LRRC49: variants seen among roughly 807,000 people sequenced by gnomAD.
LRRC49 encodes the protein leucine-rich repeat-containing protein 49.
LRRC49 carries 50 observed loss-of-function variants against 83.3 expected under a neutral mutation model. The observed-to-expected ratio is 0.60, with a 90% CI of 0.48 to 0.76. LRRC49 has a LOEUF of 0.76. Ranked by LOEUF, LRRC49 falls within the 30% of genes least tolerant of loss-of-function variation. The probability of loss-of-function intolerance (pLI) is 0.00; values close to 1 mark genes in which losing one functional copy is unlikely to be tolerated. For missense variants in LRRC49, 704 were observed against 809.1 expected, an observed-to-expected ratio of 0.87 and a Z score of 1.58; for synonymous variants, 286 against 283.3, an observed-to-expected ratio of 1.01 and a Z score of -0.10.
chr15:70,969,101 T>C (rs918956173), intron 9 of LRRC49, among the ~76,000 whole-genome samples: 7 of 152,144 alleles, frequency 4.6e-5, no homozygotes, highest in African/African-American at 1.7e-4. Context: ...TCTTCTAGGG[T>C]TTTCATGGTT....
chr15:71,044,988 T>A (rs1182642811), intron 15 of LRRC49, among the ~76,000 whole-genome samples: 1 of 147,920 alleles, frequency 6.8e-6, no homozygotes, highest in East Asian at 2.0e-4. Flanking sequence ...GCCTCCCAGG[T>A]TCATGCCATT....
At chr15:70,970,791 T>A (rs2036967133) in intron 9 of LRRC49, among the ~76,000 whole-genome samples, 2 of 152,232 alleles carry the variant, frequency 1.3e-5, no homozygotes, top group Non-Finnish European at 2.9e-5. Flanking sequence ...TATAGTATTC[T>A]CTGATGGTAG....
intron 11 of LRRC49, among the ~76,000 whole-genome samples, chr15:70,986,128 G>A (rs2037606450): frequency 6.7e-6 from 1 of 149,538 alleles, no homozygotes; most frequent in African/African-American, 2.4e-5. Context: ...CTCTTTTTTG[G>A]TTCCATATGA....
At chr15:70,885,942 T>C (rs1163246651) in intron 2 of LRRC49, among the ~76,000 whole-genome samples, 1 of 152,176 alleles carries the variant, frequency 6.6e-6, no homozygotes, top group Non-Finnish European at 1.5e-5. Flanking sequence ...GTTACAAGTT[T>C]CAACAAATTT....
At chr15:71,004,337 A>G (rs937632089) in intron 11 of LRRC49, among the ~76,000 whole-genome samples, 2 of 152,190 alleles carry the variant, frequency 1.3e-5, no homozygotes, top group African/African-American at 4.8e-5. Context: ...TCATTGCAGC[A>G]CTATTCACAA....
At chr15:70,873,753 C>T (rs1022859694) in intron 2 of LRRC49, among the ~76,000 whole-genome samples, 1 of 152,066 alleles carries the variant, frequency 6.6e-6, no homozygotes, top group Non-Finnish European at 1.5e-5. Flanking sequence ...GAGGACAAGC[C>T]CAGGGCTCAA....
upstream of LRRC49, chr15:70,892,368 C>T: frequency 6.5e-7 from 1 of 1,547,442 alleles, no homozygotes; most frequent in Non-Finnish European, 8.7e-7. Flanking sequence ...TCCTCCCCTC[C>T]TCACCTGTCC....
chr15:70,964,759 A>G (rs2036734756), intron 9 of LRRC49, among the ~76,000 whole-genome samples: 1 of 152,168 alleles, frequency 6.6e-6, no homozygotes, highest in Non-Finnish European at 1.5e-5. Context: ...TCAGTTTGAT[A>G]GTCTCTGACC....
chr15:70,991,652 A>G, intron 11 of LRRC49, among the ~76,000 whole-genome samples: 1 of 152,210 alleles, frequency 6.6e-6, no homozygotes, highest in Non-Finnish European at 1.5e-5. Flanking sequence ...ACCCACTGAT[A>G]CTGAGGGCTG....
chr15:70,853,643 G>A (rs1423655927), intron 1 of LRRC49: 2 of 315,778 alleles, frequency 6.3e-6, no homozygotes, highest in African/African-American at 4.4e-5. Flanking sequence ...CCCACGTCCA[G>A]GCCCCTCAGA....
intron 11 of LRRC49, among the ~76,000 whole-genome samples, chr15:71,002,320 G>C (rs541186034): frequency 1.3e-4 from 20 of 152,058 alleles, no homozygotes; most frequent in African/African-American, 4.6e-4. Flanking sequence ...TATGGGGGGG[G>C]CGTGTAACTA....
intron 8 of LRRC49, among the ~76,000 whole-genome samples, chr15:70,943,417 T>C (rs1435132184): frequency 6.6e-6 from 1 of 152,092 alleles, no homozygotes; most frequent in African/African-American, 2.4e-5. Flanking sequence ...TAAATTACAC[T>C]TGGAAGAGGG....
intron 11 of LRRC49, among the ~76,000 whole-genome samples, chr15:70,986,089 T>C (rs1596102476): frequency 6.6e-6 from 1 of 151,546 alleles, no homozygotes; most frequent in Admixed American, 6.6e-5. Flanking sequence ...CTTTGTTCTT[T>C]TGGCTTAGGA....
intron 11 of LRRC49, among the ~76,000 whole-genome samples, chr15:70,990,232 C>T (rs2037812690): frequency 6.6e-6 from 1 of 152,178 alleles, no homozygotes; most frequent in Non-Finnish European, 1.5e-5. Flanking sequence ...GCCCTGCCCC[C>T]AGAGGTGGAG....
chr15:70,919,790 T>C (rs1468251897), intron 7 of LRRC49, among the ~76,000 whole-genome samples: 1 of 152,164 alleles, frequency 6.6e-6, no homozygotes, highest in East Asian at 1.9e-4. Flanking sequence ...GGGTGTTTTT[T>C]GGTTTATTGA....
At chr15:71,022,360 G>A (rs12438370) in intron 14 of LRRC49, among the ~76,000 whole-genome samples, 3 of 152,038 alleles carry the variant, frequency 2.0e-5, no homozygotes, top group Non-Finnish European at 2.9e-5. Flanking sequence ...GTGACAGAGC[G>A]AGACCCTGTC....
intron 15 of LRRC49, among the ~76,000 whole-genome samples, chr15:71,038,828 T>C (rs2039607835): frequency 6.6e-6 from 1 of 152,194 alleles, no homozygotes; most frequent in Admixed American, 6.5e-5. Flanking sequence ...ACCTTTTTCA[T>C]CTCAGCACTC....
chr15:70,862,593 A>AG (rs1369780730), intron 1 of LRRC49, among the ~76,000 whole-genome samples: 1 of 151,626 alleles, frequency 6.6e-6, no homozygotes, highest in Non-Finnish European at 1.5e-5. Context: ...AAAAAAAAAA[A>AG]AAAAAAAATT....
At chr15:71,015,176 T>G (rs909864176) in intron 14 of LRRC49, among the ~76,000 whole-genome samples, 8 of 152,146 alleles carry the variant, frequency 5.3e-5, no homozygotes, top group African/African-American at 1.9e-4. Flanking sequence ...ACAAATGCCT[T>G]TAAACTTTAA....
Sources: gnomAD v4.1 joint callset for allele counts (sites outside exome capture counted in the v4.1 genomes callset) on GRCh38, gnomAD v4.1.1 for gene constraint, MANE v1.5 for transcripts, NCBI Gene and HGNC (gene_info 2026-07-23, HGNC 2026-07-21) for gene names.